The following ZNF503 variants were observed in gnomAD, a reference collection of about 807,000 sequenced individuals.
ZNF503 encodes the protein zinc finger protein 503.
Under a neutral mutation model 34.4 loss-of-function variants are expected in ZNF503, and 15 were observed. The ratio of observed to expected loss-of-function variants is 0.44; its 90% CI spans 0.29 to 0.67. The LOEUF (loss-of-function observed/expected upper bound fraction) is 0.67, where lower values mean the gene tolerates loss of function less well. Ranked by LOEUF, ZNF503 falls within the 30% of genes least tolerant of loss-of-function variation. The pLI is 0.13. For missense variants in ZNF503, 1,007 were observed against 926.8 expected (o/e 1.09, Z -1.12); for synonymous variants, 580 against 456.8 (o/e 1.27, Z -3.44).
chr10:75,308,598 AT>A, the ZNF503 span, among the ~76,000 whole-genome samples: 1 of 152,340 alleles, frequency 6.6e-6, no homozygotes, highest in South Asian at 2.1e-4. Flanking sequence ...CATTAAGAGC[AT>A]TTGTGATTCA....
the ZNF503 span, among the ~76,000 whole-genome samples, chr10:75,367,100 G>A: frequency 6.6e-6 from 1 of 152,316 alleles, no homozygotes; most frequent in South Asian, 2.1e-4. Context: ...AGGGCCTCGT[G>A]TGAAGGTCAT....
At chr10:75,330,152 A>G in the ZNF503 span, among the ~76,000 whole-genome samples, 1 of 152,222 alleles carries the variant, frequency 6.6e-6, no homozygotes, top group East Asian at 1.9e-4. Flanking sequence ...GTGATGTACC[A>G]CATTTATTGA....
chr10:75,358,669 C>T, the ZNF503 span: 23 of 152,176 alleles, frequency 1.5e-4, no homozygotes, highest in African/African-American at 4.8e-4. Context: ...AACCACATTC[C>T]CAGAAACTTC....
the ZNF503 span, among the ~76,000 whole-genome samples, chr10:75,284,535 TATC>T: frequency 1.3e-5 from 2 of 152,160 alleles, no homozygotes; most frequent in African/African-American, 4.8e-5. Flanking sequence ...CAGAACCTTC[TATC>T]ATCATTCCTG....
At chr10:75,335,098 A>G in the ZNF503 span, among the ~76,000 whole-genome samples, 19 of 152,202 alleles carry the variant, frequency 1.2e-4, no homozygotes, top group Non-Finnish European at 2.5e-4. Context: ...CATTGTGATC[A>G]TGAGCAAGGT....
the ZNF503 span, among the ~76,000 whole-genome samples, chr10:75,352,083 G>T: frequency 8.4e-6 from 1 of 118,986 alleles, no homozygotes; most frequent in Non-Finnish European, 2.0e-5. Context: ...ATGCCTATGG[G>T]TGCTCCAGAG....
the ZNF503 span, among the ~76,000 whole-genome samples, chr10:75,316,052 G>A: frequency 6.6e-6 from 1 of 152,182 alleles, no homozygotes; most frequent in South Asian, 2.1e-4. Flanking sequence ...GCAGCCAACA[G>A]TGGAGTACCT....
the ZNF503 span, among the ~76,000 whole-genome samples, chr10:75,289,989 C>T: frequency 1.3e-5 from 2 of 152,222 alleles, no homozygotes; most frequent in Admixed American, 6.5e-5. Flanking sequence ...ACCCACTAAA[C>T]AATAATTCCC....
At chr10:75,396,794 GCC>G (rs1843706157), downstream of ZNF503, among the ~76,000 whole-genome samples, 1 of 152,132 alleles carries the variant, frequency 6.6e-6, no homozygotes, top group Non-Finnish European at 1.5e-5. This position sits in a 1 kb window ranked among gnomAD's most constrained non-coding sequence, Gnocchi z 4.4. Flanking sequence ...CTGGGCTAGC[GCC>G]CAGGCCTGGA....
the ZNF503 span, among the ~76,000 whole-genome samples, chr10:75,291,710 C>T: frequency 2.0e-5 from 3 of 152,328 alleles, no homozygotes; most frequent in East Asian, 5.8e-4. Context: ...ACTGCTGCTG[C>T]TGTGGTCTCT....
the ZNF503 span, chr10:75,358,724 G>A: frequency 3.9e-5 from 6 of 152,186 alleles, no homozygotes; most frequent in African/African-American, 1.4e-4. Context: ...GACAATGAAT[G>A]GATTTTAACA....
chr10:75,281,103 C>G, the ZNF503 span, among the ~76,000 whole-genome samples: 1 of 152,096 alleles, frequency 6.6e-6, no homozygotes, highest in Non-Finnish European at 1.5e-5. Context: ...TGAAAGGTCG[C>G]TCTCCTAATA....
chr10:75,395,353 G>A (rs1028154651), downstream of ZNF503, among the ~76,000 whole-genome samples: 1 of 152,214 alleles, frequency 6.6e-6, no homozygotes, highest in African/African-American at 2.4e-5. This position sits in a 1 kb window ranked among gnomAD's most constrained non-coding sequence, Gnocchi z 4.4. Context: ...GAGTCACAGG[G>A]AGGGGCCTCC....
chr10:75,347,421 T>C, the ZNF503 span, among the ~76,000 whole-genome samples: 1 of 152,124 alleles, frequency 6.6e-6, no homozygotes, highest in Non-Finnish European at 1.5e-5. Context: ...CCGAGAAGTG[T>C]GGAGTCAAGG....
chr10:75,330,002 G>A, the ZNF503 span, among the ~76,000 whole-genome samples: 7 of 152,238 alleles, frequency 4.6e-5, no homozygotes, highest in South Asian at 1.4e-3. Context: ...TGTCATTTAT[G>A]GTCTTTATTG....
At chr10:75,362,398 A>G in the ZNF503 span, among the ~76,000 whole-genome samples, 1 of 152,070 alleles carries the variant, frequency 6.6e-6, no homozygotes, top group Non-Finnish European at 1.5e-5. Flanking sequence ...GTTTGTGTGT[A>G]TGAAGGCTTG....
At chr10:75,400,494 C>T in intron 1 of ZNF503, 120 bp from the exon 2 acceptor site, 2 of 1,437,604 alleles carry the variant, frequency 1.4e-6, no homozygotes, top group East Asian at 2.5e-5. Context: ...TCCTCCCAGC[C>T]CCAAGGCGCA....
chr10:75,306,922 A>G, the ZNF503 span, among the ~76,000 whole-genome samples: 37,746 of 152,032 alleles, frequency 0.25, 5,672 homozygotes, highest in African/African-American at 0.42. Context: ...CCATTCCCCT[A>G]TCTCTTTCCC....
chr10:75,303,583 C>A, the ZNF503 span, among the ~76,000 whole-genome samples: 8 of 152,228 alleles, frequency 5.3e-5, no homozygotes, highest in Non-Finnish European at 8.8e-5. Flanking sequence ...TCTTAATTCA[C>A]ACTTGTGTCT....
Sources: gnomAD v4.1 joint callset for allele counts (sites outside exome capture counted in the v4.1 genomes callset) on GRCh38, gnomAD v4.1.1 for gene constraint, Gnocchi (gnomAD v3.1) non-coding constraint, MANE v1.5 for transcripts, NCBI Gene and HGNC (gene_info 2026-07-23, HGNC 2026-07-21) for gene names.